PTPRU: variants seen among roughly 807,000 people sequenced by gnomAD.
The protein encoded by PTPRU is protein tyrosine phosphatase receptor type U.
PTPRU carries 69 observed loss-of-function variants against 166.3 expected under a neutral mutation model. The ratio of observed to expected loss-of-function variants is 0.41; its 90% CI spans 0.34 to 0.51. PTPRU has a LOEUF of 0.51. PTPRU is among the 20% of genes least tolerant of loss of function. The probability of loss-of-function intolerance (pLI) is 0.09; values close to 1 mark genes in which losing one functional copy is unlikely to be tolerated. For synonymous variants in PTPRU, 793 were observed against 814.0 expected, an observed-to-expected ratio of 0.97 and a Z score of 0.44; for missense variants, 1,657 against 2,013.7, an observed-to-expected ratio of 0.82 and a Z score of 3.39.
intron 1 of PTPRU, among the ~76,000 whole-genome samples, chr1:29,254,836 C>T (rs1436873402): frequency 6.6e-6 from 1 of 152,236 alleles, no homozygotes; most frequent in Non-Finnish European, 1.5e-5. Context: ...ACCCCACCTC[C>T]ATCACCAGTG....
intron 1 of PTPRU, among the ~76,000 whole-genome samples, chr1:29,239,713 A>T (rs1683953644): frequency 6.6e-6 from 1 of 151,166 alleles, no homozygotes; most frequent in Admixed American, 6.6e-5. Context: ...CCCTTTTCCT[A>T]GTTGCCCTCC....
rs1685560440 is a variant in PTPRU at position 29,271,660 on chromosome 1, C to T, written c.1145-3788C>T. On this transcript the variant is annotated intron_variant, in intron 7 of 29. Transcript: ENST00000373779. This position sits in a 1 kb window ranked among gnomAD's most constrained non-coding sequence, Gnocchi z 4.4. ...CCTCTTGAAAAATGGGAGGATCTGG[C>T]AACTCTGAACCTGTAGTCCTGCCTG... Among the ~76,000 whole-genome samples, 1 of 152,174 alleles carries T rather than the reference C, an allele frequency of 6.6e-6. No individual in the cohort carries two copies. Among genetic ancestry groups the T allele is most frequent in the South Asian group, 2.1e-4 (1 of 4,822 alleles).
chr1:29,305,284 A>T, intron 17 of PTPRU, 68 bp from the exon 18 acceptor site: 1 of 1,487,370 alleles, frequency 6.7e-7, no homozygotes, highest in Non-Finnish European at 9.4e-7. Context: ...GCCTCCAGGA[A>T]TCCCTCCCTG....
rs1463260609 is a variant in PTPRU, at chr1:29,261,036, T to C, written c.1144+133T>C. ...TGTGATTTTTCCTCAACCCTTGTTATGGTAAAGATAATGATAGCTAATACT... is the reference window on the plus strand; with the variant it reads ...TGTGATTTTTCCTCAACCCTTGTTACGGTAAAGATAATGATAGCTAATACT... On this transcript the variant is annotated intron_variant, in intron 7 of 29. Transcript: ENST00000373779. The C allele has an allele frequency of 7.4e-6, 8 of 1,077,544 alleles. No individual in the cohort carries two copies. The South Asian group carries it at 1.0e-4, about 14-fold the overall frequency. 66.7% of individuals were successfully genotyped at this position (1,077,544 alleles called of 1,614,324 possible). A position where few individuals can be genotyped will look rare whatever the true frequency, so the allele number is the denominator to read the frequency against.
At chr1:29,278,923 A>G in intron 8 of PTPRU, 89 bp from the exon 9 acceptor site, 1 of 993,782 alleles carries the variant, frequency 1.0e-6, no homozygotes, top group Non-Finnish European at 1.5e-6. Context: ...CATGAGAACC[A>G]GGTAGGAAGC....
At chr1:29,305,004 T>C (rs932153440) in intron 17 of PTPRU, among the ~76,000 whole-genome samples, 155 bp downstream of exon 17, 11 of 152,210 alleles carry the variant, frequency 7.2e-5, no homozygotes, top group Non-Finnish European at 7.4e-5. Flanking sequence ...CCTGTGCTTG[T>C]TTCATTTATT....
intron 29 of PTPRU, 64 bp from the exon 30 acceptor site, chr1:29,325,535 C>T (rs1688373227): frequency 2.6e-6 from 4 of 1,546,822 alleles, no homozygotes; most frequent in East Asian, 2.2e-5. Context: ...CCCCGTTCCC[C>T]TCCCCCCACA....
chr1:29,312,457 A>G (rs1377632490), intron 21 of PTPRU, 95 bp from the exon 22 acceptor site: 3 of 1,191,784 alleles, frequency 2.5e-6, no homozygotes, highest in South Asian at 1.9e-5. Flanking sequence ...AGATTATACA[A>G]TGAGATGCTT....
chr1:29,325,504 G>A, intron 29 of PTPRU, 95 bp from the exon 30 acceptor site: 1 of 1,514,682 alleles, frequency 6.6e-7, no homozygotes, highest in Non-Finnish European at 9.1e-7. Context: ...CTGGGCTCGG[G>A]CTCGTGCTTG....
intron 14 of PTPRU, among the ~76,000 whole-genome samples, chr1:29,289,878 C>T (rs1489806934): frequency 6.6e-6 from 1 of 152,162 alleles, no homozygotes; most frequent in Non-Finnish European, 1.5e-5. Context: ...TCTGCTCTGT[C>T]CTTCCCCTCT....
At position 29,279,311 on chromosome 1, in the gene PTPRU, A is replaced by G; in HGVS notation, c.1564-145A>G. On this transcript the variant is annotated intron_variant, in intron 9 of 29. Coordinates refer to ENST00000373779, the MANE Select transcript of PTPRU (RefSeq NM_133178.4). The surrounding 1 kb of genome is among the most constrained non-coding windows in gnomAD (Gnocchi z 5.2). Reference sequence around the variant, plus strand: ...CTGAAGGCAGGAGGGAGAGCCGAAGATGACTAGAAGCCTGGCTTGATGGCA... The same window carrying G: ...CTGAAGGCAGGAGGGAGAGCCGAAGGTGACTAGAAGCCTGGCTTGATGGCA... The G allele has an allele frequency of 1.9e-6, 2 of 1,046,764 alleles. No individual in the cohort carries two copies. The highest frequency in any genetic ancestry group is 4.2e-5 in the Admixed American group (2 of 47,090). The allele number at this position is 1,046,764 out of a possible 1,614,324, so 64.8% of individuals were successfully genotyped here.
rs994005618 is a variant in PTPRU at position 29,325,981 on chromosome 1, C to T, written c.*320C>T. The T allele has an allele frequency of 5.2e-5, 23 of 438,886 alleles. No individual in the cohort carries two copies. In the Admixed American group the frequency reaches 6.6e-4, roughly 13 times the overall value. 27.2% of individuals were successfully genotyped at this position (438,886 alleles called of 1,614,324 possible). On this transcript the variant is annotated 3_prime_UTR_variant, in exon 30 of 30. Transcript: ENST00000373779. ...GCTCAGGACGGCTGGCTCTGGGGGACTCAGGCCAAGCCCCTTGGCACCATC... is the reference window on the plus strand; with the variant it reads ...GCTCAGGACGGCTGGCTCTGGGGGATTCAGGCCAAGCCCCTTGGCACCATC...
At position 29,303,940 on chromosome 1, in the gene PTPRU, A is replaced by T. The variant is rs779595048; in HGVS notation, c.2562A>T (p.Pro854=). 8.7e-6 allele frequency: 14 copies of T among 1,613,890 alleles called. No homozygotes were observed. In the South Asian group the frequency reaches 1.2e-4, roughly 14 times the overall value. ...PRRPCGRKGS[P]YHTGQLHPAV... ...GTCCCTGTGGCCGGAAGGGCTCCCCATACCACACGGGGCAGCTGCACCCTG... is the reference window on the plus strand; with the variant it reads ...GTCCCTGTGGCCGGAAGGGCTCCCCTTACCACACGGGGCAGCTGCACCCTG... The change falls in exon 16 of 30, where the codon CCA becomes CCT. Residue 854 remains proline, a synonymous_variant. Transcript: ENST00000373779.
In PTPRU at chr1:29,315,509, T is replaced by C. The variant is rs1687861872; in HGVS notation, c.3363+2T>C. ...CGTGTCAACATGATCCAGACTGAGG[T>C]GCGGGGACCTGGCCCTGTCCCCACC... On this transcript the variant is annotated splice_donor_variant, in intron 23 of 29. Transcript: ENST00000373779. LOFTEE classifies it high-confidence loss of function. The surrounding 1 kb of genome is among the most constrained non-coding windows in gnomAD (Gnocchi z 4.5). 6.2e-7 allele frequency: 1 copy of C among 1,613,950 alleles called. No individual in the cohort carries two copies. Among genetic ancestry groups the C allele is most frequent in the Admixed American group, 1.7e-5 (1 of 60,010 alleles).
At chr1:29,259,161 A>G in intron 3 of PTPRU, 100 bp from the exon 4 acceptor site, 1 of 1,259,020 alleles carries the variant, frequency 7.9e-7, no homozygotes, top group Non-Finnish European at 1.1e-6. Context: ...GACCTCTGCT[A>G]GTTGAGGCAG....
At chr1:29,284,009 G>T in intron 13 of PTPRU, 33 bp downstream of exon 13, 1 of 1,612,446 alleles carries the variant, frequency 6.2e-7, no homozygotes, top group Non-Finnish European at 8.5e-7. Context: ...GCCTTTCAGC[G>T]GCAGGTTTCT....
At chr1:29,321,820 C>T (rs1164894380) in intron 26 of PTPRU, among the ~76,000 whole-genome samples, 1 of 152,206 alleles carries the variant, frequency 6.6e-6, no homozygotes, top group Non-Finnish European at 1.5e-5. Context: ...ATGAGGGTGA[C>T]AGTTGTATCT....
chr1:29,294,152 A>C (rs913562730), intron 15 of PTPRU, among the ~76,000 whole-genome samples: 1 of 152,244 alleles, frequency 6.6e-6, no homozygotes, highest in Non-Finnish European at 1.5e-5. Context: ...AAGAGTGCCA[A>C]GTTGCTTTCC....
Position 29,273,414 on chromosome 1 carries a change from A to G in PTPRU, c.1145-2034A>G, listed in dbSNP as rs150883991. Among the ~76,000 whole-genome samples, 775 of 152,182 alleles carry G rather than the reference A, an allele frequency of 5.1e-3. 2 individuals carry two copies. Among genetic ancestry groups the G allele is most frequent in the Middle Eastern group, 0.02 (6 of 294 alleles). On this transcript the variant is annotated intron_variant, in intron 7 of 29. Transcript: ENST00000373779. The stretch of plus-strand genomic sequence containing the variant: ...TCCCTGAGTAGCTGGGACCACAGGC[A>G]TGTGCCACCATGCCCGGCTTATTTT...
Sources: gnomAD v4.1 joint callset for allele counts (sites outside exome capture counted in the v4.1 genomes callset) on GRCh38, gnomAD v4.1.1 for gene constraint, Gnocchi (gnomAD v3.1) non-coding constraint, MANE v1.5 for transcripts, NCBI Gene and HGNC (gene_info 2026-07-23, HGNC 2026-07-21) for gene names.